The following RGS6 variants were observed in gnomAD, a reference collection of about 807,000 sequenced individuals.
The protein encoded by RGS6 is regulator of G protein signaling 6, also known as regulator of G-protein signaling 6.
In RGS6, 30 loss-of-function variants were observed where a neutral mutation model predicts 78.5. The observed-to-expected ratio is 0.38, with a 90% CI of 0.29 to 0.52. The LOEUF is 0.52. RGS6 is among the 20% of genes least tolerant of loss of function. The pLI is 0.85. For missense variants in RGS6, 495 were observed against 609.7 expected (o/e 0.81, Z 1.98); for synonymous variants, 206 against 206.0 (o/e 1.00, Z 0.00).
At chr14:72,532,756 A>G (rs1396950211) in intron 15 of RGS6, among the ~76,000 whole-genome samples, 1 of 152,260 alleles carries the variant, frequency 6.6e-6, no homozygotes, top group Non-Finnish European at 1.5e-5. Flanking sequence ...CTTAAGCCAA[A>G]GCCTAATCCA....
At chr14:72,021,437 G>GT (rs376157444) in intron 2 of RGS6, among the ~76,000 whole-genome samples, 35 of 132,684 alleles carry the variant, frequency 2.6e-4, no homozygotes, top group Middle Eastern at 4.2e-3. Flanking sequence ...ATTACAATAT[G>GT]TTTTTTTTCT....
chr14:72,319,730 G>T (rs112351904), intron 2 of RGS6, among the ~76,000 whole-genome samples: 2,494 of 152,172 alleles, frequency 0.016, 29 homozygotes, highest in African/African-American at 0.028. Flanking sequence ...TAGAATAGAG[G>T]ATATGATGGG....
chr14:72,367,697 TA>T (rs2082694640), intron 3 of RGS6, among the ~76,000 whole-genome samples: 1 of 152,250 alleles, frequency 6.6e-6, no homozygotes, highest in Non-Finnish European at 1.5e-5. Flanking sequence ...AATTTATTTT[TA>T]ATAGCTTTAT....
chr14:71,980,400 C>T (rs1041102106), intron 2 of RGS6, among the ~76,000 whole-genome samples: 19 of 151,078 alleles, frequency 1.3e-4, no homozygotes, highest in African/African-American at 2.0e-4. Context: ...CGGCTGGTAC[C>T]GGTTGTTCTT....
intron 1 of RGS6, among the ~76,000 whole-genome samples, chr14:71,946,847 C>T (rs747315704): frequency 2.0e-5 from 3 of 152,084 alleles, no homozygotes; most frequent in Non-Finnish European, 2.9e-5. Context: ...AGGAGGAGTC[C>T]GTGTTGATGA....
At chr14:72,591,582 A>G in the RGS6 span, among the ~76,000 whole-genome samples, 1 of 152,176 alleles carries the variant, frequency 6.6e-6, no homozygotes, top group Non-Finnish European at 1.5e-5. Context: ...AATGTAAATG[A>G]GGTTTACTGG....
chr14:72,554,181 G>T (rs960694223), intron 17 of RGS6, among the ~76,000 whole-genome samples: 2 of 152,226 alleles, frequency 1.3e-5, no homozygotes, highest in East Asian at 3.8e-4. Flanking sequence ...ATGCTTTTGT[G>T]GGGGGATGAG....
intron 2 of RGS6, among the ~76,000 whole-genome samples, chr14:72,029,237 A>G (rs956001487): frequency 6.6e-6 from 1 of 152,236 alleles, no homozygotes; most frequent in Non-Finnish European, 1.5e-5. Context: ...TAGCCACTGC[A>G]TAATCCTTGT....
At chr14:72,155,036 G>A (rs868840874) in intron 2 of RGS6, among the ~76,000 whole-genome samples, 11 of 152,196 alleles carry the variant, frequency 7.2e-5, no homozygotes, top group Non-Finnish European at 5.9e-5. Context: ...TCACCGTTAG[G>A]TGGTTCACCC....
the RGS6 span, among the ~76,000 whole-genome samples, chr14:72,609,369 C>T: frequency 6.6e-6 from 1 of 152,136 alleles, no homozygotes; most frequent in African/African-American, 2.4e-5. Flanking sequence ...GAGTGAGTCC[C>T]GGGTCAGGAG....
chr14:72,604,217 C>T, the RGS6 span, among the ~76,000 whole-genome samples: 4 of 152,132 alleles, frequency 2.6e-5, no homozygotes, highest in Non-Finnish European at 4.4e-5. Flanking sequence ...TGAGGTACAG[C>T]CTGGGTTGCA....
At chr14:72,244,059 T>G (rs1247638218) in intron 2 of RGS6, among the ~76,000 whole-genome samples, 3 of 152,172 alleles carry the variant, frequency 2.0e-5, no homozygotes, top group Admixed American at 6.5e-5. Flanking sequence ...GTCCCTGCAG[T>G]CTACCCTCAG....
the RGS6 span, among the ~76,000 whole-genome samples, chr14:72,619,120 C>T: frequency 2.0e-5 from 3 of 152,214 alleles, no homozygotes; most frequent in Non-Finnish European, 4.4e-5. Context: ...CCGTACATAT[C>T]GGGGGAGGTC....
intron 2 of RGS6, among the ~76,000 whole-genome samples, chr14:72,074,214 T>A (rs1157968011): frequency 6.6e-6 from 1 of 152,234 alleles, no homozygotes. Flanking sequence ...TATTTTTCTA[T>A]GAGGCAGGGT....
At position 72,482,589 on chromosome 14, in the gene RGS6, C is replaced by T. The variant is rs927508086; in HGVS notation, c.854+4260C>T. Among the ~76,000 whole-genome samples, 4 of 152,328 alleles carry T rather than the reference C, an allele frequency of 2.6e-5. No individual in the cohort carries two copies. The East Asian group carries it at 7.7e-4, about 29-fold the overall frequency. On this transcript the variant is annotated intron_variant, in intron 12 of 17. Transcript: ENST00000553525. ...GGCAGCTCTGCTGATCTTGGCTGGG[C>T]TCTCTCACATGTTTGGCTTCTGCTG...
intron 2 of RGS6, among the ~76,000 whole-genome samples, chr14:72,234,499 A>C (rs748563843): frequency 1.3e-5 from 2 of 152,264 alleles, no homozygotes; most frequent in Non-Finnish European, 2.9e-5. Context: ...ATATGAGGAC[A>C]TAAATTAAGA....
chr14:72,612,549 C>G, the RGS6 span: 1 of 516,048 alleles, frequency 1.9e-6, no homozygotes, highest in Non-Finnish European at 3.9e-6. Context: ...CTCCACCCCA[C>G]TCCTTAGCAT....
intron 13 of RGS6, among the ~76,000 whole-genome samples, chr14:72,508,233 G>A (rs1348605206): frequency 6.6e-6 from 1 of 152,200 alleles, no homozygotes; most frequent in African/African-American, 2.4e-5. Context: ...ATTGTAATTA[G>A]AAGATACTGC....
chr14:72,262,399 C>G (rs1222519225), intron 2 of RGS6, among the ~76,000 whole-genome samples: 3 of 152,192 alleles, frequency 2.0e-5, no homozygotes, highest in African/African-American at 7.2e-5. Context: ...CTCACGTGGC[C>G]TCTTTTCTGT....
Sources: allele counts gnomAD v4.1 joint callset (sites outside exome capture counted in the v4.1 genomes callset), GRCh38; gene constraint gnomAD v4.1.1; transcripts MANE v1.5; gene names NCBI Gene and HGNC (gene_info 2026-07-23, HGNC 2026-07-21).